The following OPCML variants were observed in gnomAD, a reference collection of about 807,000 sequenced individuals.
OPCML encodes the protein opioid binding protein/cell adhesion molecule like.
A neutral mutation model predicts 37.8 loss-of-function variants in OPCML; 13 were observed. The ratio of observed to expected loss-of-function variants is 0.34; its 90% confidence interval spans 0.22 to 0.55. The LOEUF is 0.55. OPCML is among the 20% of genes least tolerant of loss of function. The pLI is 0.91. For synonymous variants in OPCML, 176 were observed against 168.8 expected (o/e 1.04, Z -0.33); for missense variants, 341 against 435.6 (o/e 0.78, Z 1.93).
chr11:132,795,324 T>C (rs534802040), intron 2 of OPCML, among the ~76,000 whole-genome samples: 1 of 152,364 alleles, frequency 6.6e-6, no homozygotes, highest in South Asian at 2.1e-4. Flanking sequence ...TTTTTGTTTG[T>C]TTCTCTTTAT....
intron 2 of OPCML, among the ~76,000 whole-genome samples, chr11:132,754,472 T>C (rs1019864341): frequency 3.3e-5 from 5 of 152,194 alleles, no homozygotes; most frequent in African/African-American, 1.2e-4. Flanking sequence ...ACCATGATTG[T>C]GAGGCTTCCC....
intron 1 of OPCML, among the ~76,000 whole-genome samples, chr11:133,235,601 CAGCTGCTGCCTGTAAG>C (rs1565521196): frequency 3.9e-5 from 6 of 152,222 alleles, no homozygotes; most frequent in Admixed American, 2.6e-4. Context: ...ACATTGCATG[CAGCTGCTGCCTGTAAG>C]AGCTGCAAGA....
intron 2 of OPCML, among the ~76,000 whole-genome samples, chr11:132,797,183 C>G (rs1364770030): frequency 6.6e-6 from 1 of 152,094 alleles, no homozygotes; most frequent in East Asian, 1.9e-4. Context: ...TTTTACCCAC[C>G]CAGTCTCAGG....
chr11:132,748,886 A>C (rs938428052), intron 2 of OPCML, among the ~76,000 whole-genome samples: 1 of 152,206 alleles, frequency 6.6e-6, no homozygotes, highest in African/African-American at 2.4e-5. Flanking sequence ...AAGGAGCTCC[A>C]TGTGCAGATT....
chr11:133,219,838 C>T (rs867523), intron 1 of OPCML, among the ~76,000 whole-genome samples: 10 of 152,200 alleles, frequency 6.6e-5, no homozygotes, highest in East Asian at 3.9e-4. Context: ...GGTAGGTCAG[C>T]GATGCTGCTA....
chr11:133,486,903 C>T (rs927847796), intron 1 of OPCML, among the ~76,000 whole-genome samples: 1 of 150,474 alleles, frequency 6.6e-6, no homozygotes, highest in African/African-American at 2.4e-5. Flanking sequence ...CTATCTGTCT[C>T]CCTCTTCCCC....
rs1030789952 is a variant in OPCML at position 133,486,253 on chromosome 11, T to A, written c.61+46011A>T. Among the ~76,000 whole-genome samples, 4 of 152,148 alleles carry A rather than the reference T, an allele frequency of 2.6e-5. No homozygotes were observed. The East Asian group carries it at 7.7e-4, about 29-fold the overall frequency. ...AGAACATTACCACAAATGACAAAAA[T>A]TGACTGTATTTCTGTTTCCTCTGTT... On this transcript the variant is annotated intron_variant, in intron 1 of 7. Transcript: ENST00000524381.
At chr11:133,304,087 C>T (rs1270314851) in intron 1 of OPCML, among the ~76,000 whole-genome samples, 1 of 152,144 alleles carries the variant, frequency 6.6e-6, no homozygotes, top group East Asian at 1.9e-4. Flanking sequence ...TTACAAGGCT[C>T]TTTGAAATTT....
At chr11:132,748,344 G>A (rs1199570520) in intron 2 of OPCML, among the ~76,000 whole-genome samples, 1 of 152,028 alleles carries the variant, frequency 6.6e-6, no homozygotes, top group Non-Finnish European at 1.5e-5. Flanking sequence ...TCACAGATAT[G>A]TATCGAATGC....
intron 1 of OPCML, among the ~76,000 whole-genome samples, chr11:133,384,302 A>G (rs1944998358): frequency 6.6e-6 from 1 of 150,444 alleles, no homozygotes; most frequent in Non-Finnish European, 1.5e-5. Flanking sequence ...AAAGAAACCC[A>G]GGACTGATTT....
intron 1 of OPCML, among the ~76,000 whole-genome samples, chr11:133,234,472 T>C (rs1052247760): frequency 6.6e-6 from 1 of 152,166 alleles, no homozygotes; most frequent in African/African-American, 2.4e-5. Flanking sequence ...GGTCATCCAG[T>C]GGAAAGCAAG....
At chr11:133,381,254 G>A (rs1273012524) in intron 1 of OPCML, among the ~76,000 whole-genome samples, 1 of 152,220 alleles carries the variant, frequency 6.6e-6, no homozygotes, top group Non-Finnish European at 1.5e-5. Flanking sequence ...AAGTGGCAGA[G>A]GAAACTGGCA....
At position 133,195,950 on chromosome 11, in the gene OPCML, A is replaced by T. The variant is rs76648585; in HGVS notation, c.62-252940T>A. Among the ~76,000 whole-genome samples, 141 of 152,324 alleles carry T rather than the reference A, an allele frequency of 9.3e-4. 3 individuals carry two copies. In the East Asian group the frequency reaches 0.018, roughly 20 times the overall value. ...TCTACCTTTTCTCTAAGTCAAAGCA[A>T]TTCCAAATGCTTCCTTGAGCTTAAG... On this transcript the variant is annotated intron_variant, in intron 1 of 7. Transcript: ENST00000524381.
chr11:133,021,581 G>A (rs530176512), intron 1 of OPCML, among the ~76,000 whole-genome samples: 6 of 152,298 alleles, frequency 3.9e-5, no homozygotes, highest in South Asian at 4.1e-4. Context: ...CCTGTGCTAC[G>A]GGCAGGAGGG....
intron 1 of OPCML, among the ~76,000 whole-genome samples, chr11:133,217,643 AG>A (rs1298026946): frequency 1.3e-5 from 2 of 152,160 alleles, no homozygotes; most frequent in African/African-American, 4.8e-5. Context: ...AGCCCAATTC[AG>A]GGGAGATGAG....
chr11:132,800,049 A>G (rs886952146), intron 2 of OPCML, among the ~76,000 whole-genome samples: 2 of 152,218 alleles, frequency 1.3e-5, no homozygotes. Flanking sequence ...GTCTTTCATT[A>G]TATGAACATT....
intron 1 of OPCML, among the ~76,000 whole-genome samples, chr11:133,187,362 C>G (rs1471018559): frequency 6.6e-6 from 1 of 151,988 alleles, no homozygotes; most frequent in South Asian, 2.1e-4. Context: ...GCAGGAATTG[C>G]GTAAAGAACT....
At chr11:132,798,877 C>T (rs1037445131) in intron 2 of OPCML, among the ~76,000 whole-genome samples, 2 of 152,214 alleles carry the variant, frequency 1.3e-5, no homozygotes, top group African/African-American at 4.8e-5. Context: ...TGTCAAAGAA[C>T]AGTGATAATT....
At chr11:132,604,511 G>A (rs1938143815) in intron 3 of OPCML, among the ~76,000 whole-genome samples, 1 of 152,062 alleles carries the variant, frequency 6.6e-6, no homozygotes, top group South Asian at 2.1e-4. Flanking sequence ...CTCCCTCTCT[G>A]ATGCCCTTAT....
Sources: allele counts gnomAD v4.1 joint callset (sites outside exome capture counted in the v4.1 genomes callset), GRCh38; gene constraint gnomAD v4.1.1; transcripts MANE v1.5; gene names NCBI Gene and HGNC (gene_info 2026-07-23, HGNC 2026-07-21).